Variants in CTNNA3 observed in about 807,000 individuals in gnomAD.
The protein encoded by CTNNA3 is catenin alpha 3, also known as catenin alpha-3.
In CTNNA3, 76 loss-of-function variants were observed where a neutral mutation model predicts 95.7. The observed-to-expected ratio is 0.79, with a 90% CI of 0.66 to 0.96. The LOEUF is 0.96. Ranked by LOEUF, CTNNA3 falls within the 40% of genes least tolerant of loss-of-function variation. CTNNA3 has a pLI of 0.00. For missense variants in CTNNA3, 1,191 were observed against 1,089.8 expected (o/e 1.09, Z -1.31); for synonymous variants, 431 against 374.4 (o/e 1.15, Z -1.74).
At chr10:66,233,739 T>A (rs962331796) in intron 13 of CTNNA3, among the ~76,000 whole-genome samples, 1 of 152,154 alleles carries the variant, frequency 6.6e-6, no homozygotes, top group African/African-American at 2.4e-5. Context: ...ATATAAAACT[T>A]TGGAACTTGC....
At chr10:66,619,283 T>G (rs1417882519) in intron 10 of CTNNA3, among the ~76,000 whole-genome samples, 1 of 151,504 alleles carries the variant, frequency 6.6e-6, no homozygotes, top group Non-Finnish European at 1.5e-5. Flanking sequence ...GCAGCACTAT[T>G]CACAATAGCA....
At chr10:65,951,250 A>G (rs1208296574) in intron 17 of CTNNA3, among the ~76,000 whole-genome samples, 1 of 152,196 alleles carries the variant, frequency 6.6e-6, no homozygotes, top group Non-Finnish European at 1.5e-5. Flanking sequence ...TAATTTGGAT[A>G]GCAACTGTGA....
chr10:67,032,830 T>C (rs1003975596), intron 7 of CTNNA3, among the ~76,000 whole-genome samples: 1 of 152,200 alleles, frequency 6.6e-6, no homozygotes, highest in African/African-American at 2.4e-5. Flanking sequence ...ACTGAATCCT[T>C]GGCTCTCAGT....
chr10:66,038,870 A>G (rs538363352), intron 15 of CTNNA3, among the ~76,000 whole-genome samples: 11 of 152,306 alleles, frequency 7.2e-5, no homozygotes, highest in African/African-American at 2.4e-4. Flanking sequence ...CTCCTATTCA[A>G]CATAGAATTG....
At chr10:67,017,536 T>C (rs1852730716) in intron 7 of CTNNA3, among the ~76,000 whole-genome samples, 1 of 152,150 alleles carries the variant, frequency 6.6e-6, no homozygotes. Context: ...CCATCCTCTA[T>C]GGTTCGGCCT....
intron 7 of CTNNA3, among the ~76,000 whole-genome samples, chr10:66,800,044 C>T (rs1191357469): frequency 6.6e-6 from 1 of 151,160 alleles, no homozygotes; most frequent in Non-Finnish European, 1.5e-5. Context: ...CTAGATATCA[C>T]ACATTATAGA....
Position 67,566,041 on chromosome 10 carries a change from G to GTA in CTNNA3, c.293-26373_293-26372insTA, listed in dbSNP as rs1388066358. Among the ~76,000 whole-genome samples, 151 of 29,424 alleles carry GTA rather than the reference G, an allele frequency of 5.1e-3. 11 individuals carry two copies. The highest frequency in any genetic ancestry group is 0.012 in the African/African-American group (85 of 7,366). 19.3% of individuals were successfully genotyped at this position (29,424 alleles called of 152,430 possible). A position where few individuals can be genotyped will look rare whatever the true frequency, so the allele number is the denominator to read the frequency against. On this transcript the variant is annotated intron_variant, in intron 3 of 17. Transcript: ENST00000433211. ...AACACACACACACACATATGTGTGTGTGTATATATATATATATATATATAT... is the reference window on the plus strand; with the variant it reads ...AACACACACACACACATATGTGTGTGTATGTATATATATATATATATATATAT...
At chr10:67,721,339 G>A (rs1337588082) in intron 1 of CTNNA3, among the ~76,000 whole-genome samples, 2 of 151,962 alleles carry the variant, frequency 1.3e-5, no homozygotes, top group Non-Finnish European at 2.9e-5. Context: ...CATATTTCTG[G>A]AGGCTTTGTT....
intron 11 of CTNNA3, among the ~76,000 whole-genome samples, chr10:66,478,752 T>C (rs1261975462): frequency 6.6e-6 from 1 of 151,834 alleles, no homozygotes; most frequent in Non-Finnish European, 1.5e-5. Flanking sequence ...ATCTATGTCA[T>C]TTTATTCCTC....
intron 9 of CTNNA3, among the ~76,000 whole-genome samples, chr10:66,660,518 G>A (rs1000660890): frequency 1.3e-5 from 2 of 152,180 alleles, no homozygotes; most frequent in African/African-American, 4.8e-5. Flanking sequence ...GCAAAAATCA[G>A]TGACCAACTT....
At chr10:66,963,144 G>A (rs932450279) in intron 7 of CTNNA3, among the ~76,000 whole-genome samples, 1 of 152,096 alleles carries the variant, frequency 6.6e-6, no homozygotes, top group South Asian at 2.1e-4. Flanking sequence ...AACAAAGCTA[G>A]TACTTACAGT....
At position 66,989,279 on chromosome 10, in the gene CTNNA3, A is replaced by G. The variant is rs535550791; in HGVS notation, c.1047+191038T>C. Among the ~76,000 whole-genome samples, 9 of 152,274 alleles carry G rather than the reference A, an allele frequency of 5.9e-5. No homozygotes were observed. The East Asian group carries it at 7.7e-4, about 13-fold the overall frequency. ...TTAATTAATCAACTGTTATTTTAGA[A>G]TACAGCATAAAGTTCTCACATATTT... On this transcript the variant is annotated intron_variant, in intron 7 of 17. Coordinates refer to ENST00000433211, the MANE Select transcript of CTNNA3 (RefSeq NM_013266.4).
chr10:66,605,645 G>A, intron 10 of CTNNA3, among the ~76,000 whole-genome samples: 1 of 152,110 alleles, frequency 6.6e-6, no homozygotes, highest in Non-Finnish European at 1.5e-5. Context: ...GAGACTGGGG[G>A]CCAATATTCG....
intron 13 of CTNNA3, among the ~76,000 whole-genome samples, chr10:66,153,346 C>G (rs1021815645): frequency 1.3e-5 from 2 of 151,946 alleles, no homozygotes; most frequent in African/African-American, 4.8e-5. Context: ...TGAAGCCAGT[C>G]TGTATTGTAT....
chr10:65,970,502 T>C (rs1009499370), intron 16 of CTNNA3, among the ~76,000 whole-genome samples: 1 of 151,844 alleles, frequency 6.6e-6, no homozygotes, highest in Non-Finnish European at 1.5e-5. Context: ...AATAACAACA[T>C]CCATTCATCT....
intron 5 of CTNNA3, among the ~76,000 whole-genome samples, chr10:67,517,907 A>G (rs888155285): frequency 6.6e-6 from 1 of 152,136 alleles, no homozygotes; most frequent in African/African-American, 2.4e-5. Flanking sequence ...ACATATCCAT[A>G]TCCTTATGGA....
intron 5 of CTNNA3, among the ~76,000 whole-genome samples, chr10:67,382,661 T>C (rs1298145480): frequency 6.6e-6 from 1 of 152,142 alleles, no homozygotes; most frequent in South Asian, 2.1e-4. Flanking sequence ...CCATTTGCAT[T>C]GTTATAAAGG....
chr10:66,063,321 A>T (rs74140939), intron 15 of CTNNA3, among the ~76,000 whole-genome samples: 9 of 76,570 alleles, frequency 1.2e-4, no homozygotes, highest in African/African-American at 3.2e-4. Context: ...TATATATATA[A>T]TATATATATA....
intron 5 of CTNNA3, among the ~76,000 whole-genome samples, chr10:67,252,177 C>T (rs1866136131): frequency 6.7e-6 from 1 of 148,876 alleles, no homozygotes; most frequent in African/African-American, 2.5e-5. Flanking sequence ...TGCCACTGCC[C>T]TCTAACTTGG....
Sources: gnomAD v4.1 joint callset for allele counts (sites outside exome capture counted in the v4.1 genomes callset) on GRCh38, gnomAD v4.1.1 for gene constraint, MANE v1.5 for transcripts, NCBI Gene and HGNC (gene_info 2026-07-23, HGNC 2026-07-21) for gene names.